Variants in FHIT observed in about 807,000 individuals in gnomAD.
FHIT encodes bis(5'-adenosyl)-triphosphatase.
Under a neutral mutation model 17.9 loss-of-function variants are expected in FHIT, and 19 were observed. That is an observed-to-expected ratio of 1.06 (90% CI 0.74 to 1.56). FHIT has a LOEUF of 1.56. Among genes scored for constraint, FHIT ranks in the 40% most tolerant of loss-of-function variants. FHIT has a pLI of 0.00. For synonymous variants in FHIT, 81 were observed against 69.7 expected (o/e 1.16, Z -0.81); for missense variants, 248 against 189.2 (o/e 1.31, Z -1.82).
Position 59,748,580 on chromosome 3 carries a change from C to CT in FHIT, c.*1004dup, listed in dbSNP as rs5849295. The stretch of plus-strand genomic sequence containing the variant: ...CCAGCAGGCGAGGAGGTGGGAGGTC[C>CT]TCAAGGCAGAAATAGGCCAGTAGAT... On this transcript the variant is annotated 3_prime_UTR_variant, in exon 10 of 10. Coordinates refer to ENST00000492590, the MANE Select transcript of FHIT (RefSeq NM_002012.4). Among the ~76,000 whole-genome samples, 15,102 of 151,898 alleles carry CT rather than the reference C, an allele frequency of 0.099. 838 individuals are homozygous for CT. Among genetic ancestry groups the CT allele is most frequent in the African/African-American group, 0.14 (5,661 of 41,408 alleles).
rs988065228 is a variant in FHIT, at chr3:60,406,069, G to A, written c.103+130791C>T. 1.2e-4 allele frequency among the ~76,000 whole-genome samples: 19 copies of A among 152,252 alleles called. 1 individual carries two copies. Among genetic ancestry groups the A allele is most frequent in the Admixed American group, 6.5e-4 (10 of 15,308 alleles). On this transcript the variant is annotated intron_variant, in intron 5 of 9. Coordinates refer to ENST00000492590, the MANE Select transcript of FHIT (RefSeq NM_002012.4). Reference sequence around the variant, plus strand: ...AGTAATCATTATTATAATAAAAGCCGCATGTCTGCACATAATATGGAGGTA... The same window carrying A: ...AGTAATCATTATTATAATAAAAGCCACATGTCTGCACATAATATGGAGGTA...
intron 4 of FHIT, among the ~76,000 whole-genome samples, chr3:60,786,254 G>A (rs1344090697): frequency 2.0e-5 from 3 of 152,120 alleles, no homozygotes; most frequent in Non-Finnish European, 4.4e-5. Flanking sequence ...AGATGGCATG[G>A]AGAGGCAATG....
chr3:59,942,386 C>T (rs1306168896), intron 7 of FHIT, among the ~76,000 whole-genome samples: 3 of 152,140 alleles, frequency 2.0e-5, no homozygotes, highest in African/African-American at 7.2e-5. Context: ...TCAGCTTGAG[C>T]GCAGGTCTCA....
chr3:60,086,168 C>G (rs1353489078), intron 5 of FHIT, among the ~76,000 whole-genome samples: 1 of 152,036 alleles, frequency 6.6e-6, no homozygotes, highest in East Asian at 1.9e-4. Flanking sequence ...GGGGGGATGC[C>G]AGGCTCTTTT....
At chr3:60,300,510 GT>G (rs1381184097) in intron 5 of FHIT, among the ~76,000 whole-genome samples, 1 of 152,040 alleles carries the variant, frequency 6.6e-6, no homozygotes, top group African/African-American at 2.4e-5. Context: ...CCCATATTTT[GT>G]TTTGTTTTGT....
chr3:59,892,538 G>C (rs1484133097), intron 8 of FHIT, among the ~76,000 whole-genome samples: 1 of 152,142 alleles, frequency 6.6e-6, no homozygotes, highest in South Asian at 2.1e-4. Flanking sequence ...TAGAGGTTAG[G>C]GGGTAGAATC....
intron 5 of FHIT, among the ~76,000 whole-genome samples, chr3:60,250,721 AG>A (rs772856883): frequency 1.3e-5 from 2 of 152,104 alleles, no homozygotes; most frequent in Non-Finnish European, 2.9e-5. Context: ...TTTCTTCTTC[AG>A]GCTTTGCAAT....
chr3:60,440,180 C>G (rs1405940563), intron 5 of FHIT, among the ~76,000 whole-genome samples: 1 of 152,058 alleles, frequency 6.6e-6, no homozygotes, highest in African/African-American at 2.4e-5. Flanking sequence ...TCAGGAACAA[C>G]TTGCTGCCCT....
rs141651012 is a variant in FHIT at position 59,902,222 on chromosome 3, G to T, written c.348+20124C>A. Among the ~76,000 whole-genome samples the T allele has an allele frequency of 1.8e-3, 271 of 152,250 alleles. 1 individual carries two copies. Among genetic ancestry groups the T allele is most frequent in the African/African-American group, 5.9e-3 (247 of 41,550 alleles). The stretch of plus-strand genomic sequence containing the variant: ...AAATGTGAAATATCACTAATCTTCA[G>T]GGAAATGGAAATAAAAACCACAGTG... On this transcript the variant is annotated intron_variant, in intron 8 of 9. Transcript: ENST00000492590.
At chr3:60,722,707 CTTTTTTTTTTTTT>C (rs1157024624) in intron 4 of FHIT, among the ~76,000 whole-genome samples, 1 of 104,946 alleles carries the variant, frequency 9.5e-6, no homozygotes, top group Non-Finnish European at 1.9e-5. Context: ...TACCTTAAAT[CTTTTTTTTTTTTT>C]TTTTTTTTTT....
intron 3 of FHIT, among the ~76,000 whole-genome samples, chr3:61,011,514 G>A (rs1189654552): frequency 6.6e-6 from 1 of 151,952 alleles, no homozygotes; most frequent in Non-Finnish European, 1.5e-5. Context: ...CCTAACTTAG[G>A]CTGTTACGTA....
chr3:60,118,730 C>T (rs185524765), intron 5 of FHIT, among the ~76,000 whole-genome samples: 71 of 107,712 alleles, frequency 6.6e-4, no homozygotes, highest in Middle Eastern at 6.8e-3. Flanking sequence ...CTTCAGGGTC[C>T]GGGCCTGTAA....
In FHIT at chr3:61,062,619, G is replaced by T. The variant is rs145009115; in HGVS notation, c.-163-20520C>A. Reference sequence around the variant, plus strand: ...TTGAGAATGGTTTCCCATGTCCCCAGGCATAAACTAAAATATCCACTGCTT... The same window carrying T: ...TTGAGAATGGTTTCCCATGTCCCCATGCATAAACTAAAATATCCACTGCTT... On this transcript the variant is annotated intron_variant, in intron 2 of 9. Coordinates refer to ENST00000492590, the MANE Select transcript of FHIT (RefSeq NM_002012.4). 4.6e-3 allele frequency among the ~76,000 whole-genome samples: 694 copies of T among 152,258 alleles called. 7 individuals are homozygous for T. The highest frequency in any genetic ancestry group is 0.016 in the African/African-American group (659 of 41,544).
intron 8 of FHIT, 85 bp downstream of exon 8, chr3:59,922,261 A>C: frequency 8.8e-7 from 1 of 1,137,062 alleles, no homozygotes; most frequent in Non-Finnish European, 1.3e-6. Flanking sequence ...GACCATATCT[A>C]GGGTAATACT....
intron 4 of FHIT, among the ~76,000 whole-genome samples, chr3:60,621,589 G>C (rs1296161576): frequency 3.4e-5 from 5 of 147,724 alleles, no homozygotes; most frequent in African/African-American, 1.0e-4. Flanking sequence ...AGCATTATGT[G>C]AAAAAAAAAA....
intron 4 of FHIT, among the ~76,000 whole-genome samples, chr3:60,739,799 C>T (rs1028992927): frequency 2.0e-5 from 3 of 152,136 alleles, no homozygotes; most frequent in Non-Finnish European, 1.5e-5. Context: ...CCAGATAGTG[C>T]CCCCTAATTA....
At chr3:60,705,724 A>G (rs1553703389) in intron 4 of FHIT, among the ~76,000 whole-genome samples, 1 of 152,186 alleles carries the variant, frequency 6.6e-6, no homozygotes, top group African/African-American at 2.4e-5. Flanking sequence ...GCTTGAAAAC[A>G]CTACTTAATT....
At chr3:60,531,711 C>T (rs1029448268) in intron 5 of FHIT, among the ~76,000 whole-genome samples, 3 of 152,140 alleles carry the variant, frequency 2.0e-5, no homozygotes, top group Admixed American at 6.5e-5. Flanking sequence ...ACTAAAAGGG[C>T]GCTTTTATGT....
intron 5 of FHIT, among the ~76,000 whole-genome samples, chr3:60,108,545 C>T (rs1304068872): frequency 6.6e-6 from 1 of 152,154 alleles, no homozygotes; most frequent in African/African-American, 2.4e-5. Flanking sequence ...CTGCTACTGA[C>T]CACAGCCCTC....
Sources: gnomAD v4.1 joint callset for allele counts (sites outside exome capture counted in the v4.1 genomes callset) on GRCh38, gnomAD v4.1.1 for gene constraint, MANE v1.5 for transcripts, NCBI Gene and HGNC (gene_info 2026-07-23, HGNC 2026-07-21) for gene names.